Variants in FHIT observed in about 807,000 individuals in gnomAD.
The protein encoded by FHIT is bis(5'-adenosyl)-triphosphatase.
In FHIT, 19 loss-of-function variants were observed where a neutral mutation model predicts 17.9. The observed-to-expected ratio is 1.06, with a 90% confidence interval of 0.74 to 1.56. The LOEUF (loss-of-function observed/expected upper bound fraction) is 1.56. Among genes scored for constraint, FHIT ranks in the 40% most tolerant of loss-of-function variants. The pLI is 0.00. For missense variants in FHIT, 248 were observed against 189.2 expected, an observed-to-expected ratio of 1.31 and a Z score of -1.82; for synonymous variants, 81 against 69.7, an observed-to-expected ratio of 1.16 and a Z score of -0.81.
intron 5 of FHIT, among the ~76,000 whole-genome samples, chr3:60,490,188 T>G (rs1225535755): frequency 1.1e-4 from 16 of 152,162 alleles, no homozygotes; most frequent in Admixed American, 1.0e-3. Context: ...TGGTTTAATC[T>G]AATCTTACAC....
At chr3:60,797,167 C>A (rs895096180) in intron 4 of FHIT, among the ~76,000 whole-genome samples, 2 of 152,162 alleles carry the variant, frequency 1.3e-5, no homozygotes, top group East Asian at 3.9e-4. Context: ...GGATTTGGTG[C>A]TTGCCTCACA....
intron 3 of FHIT, among the ~76,000 whole-genome samples, chr3:61,023,877 AC>A (rs2032592287): frequency 6.6e-6 from 1 of 152,182 alleles, no homozygotes; most frequent in Non-Finnish European, 1.5e-5. Flanking sequence ...TAAACATAAG[AC>A]CTAAAACCAT....
intron 5 of FHIT, among the ~76,000 whole-genome samples, chr3:60,445,314 C>A (rs1257744989): frequency 6.6e-6 from 1 of 152,032 alleles, no homozygotes; most frequent in East Asian, 1.9e-4. Flanking sequence ...GATTCCAAAG[C>A]ACTCAGGGTA....
At chr3:59,830,938 A>G (rs1168626661) in intron 8 of FHIT, among the ~76,000 whole-genome samples, 2 of 152,186 alleles carry the variant, frequency 1.3e-5, no homozygotes, top group African/African-American at 2.4e-5. Flanking sequence ...TGTACCAATG[A>G]AGCAGGATGG....
chr3:60,691,953 C>G (rs1010093350), intron 4 of FHIT, among the ~76,000 whole-genome samples: 1 of 152,096 alleles, frequency 6.6e-6, no homozygotes, highest in Non-Finnish European at 1.5e-5. Context: ...ATAATGATTT[C>G]TTTTTACTTT....
chr3:60,485,306 T>C (rs2033789588), intron 5 of FHIT, among the ~76,000 whole-genome samples: 1 of 152,210 alleles, frequency 6.6e-6, no homozygotes, highest in South Asian at 2.1e-4. Flanking sequence ...TTACCAGGTA[T>C]ATGCCCAAAA....
rs922477072 is a variant in FHIT, at chr3:60,729,492, A to T, written c.-18+92427T>A. 5.3e-5 allele frequency among the ~76,000 whole-genome samples: 8 copies of T among 152,316 alleles called. No individual in the cohort carries two copies. In the East Asian group the frequency reaches 1.4e-3, roughly 26 times the overall value. On this transcript the variant is annotated intron_variant, in intron 4 of 9. Transcript: ENST00000492590. ...GGGCAAGTCTTACCTTTAAAAGCAA[A>T]ACTTGAAAACAAAGTATAAAAGTGC...
At chr3:60,439,782 G>A (rs1340029982) in intron 5 of FHIT, among the ~76,000 whole-genome samples, 7 of 152,210 alleles carry the variant, frequency 4.6e-5, no homozygotes, top group East Asian at 3.9e-4. Flanking sequence ...ATTTTAGAAC[G>A]GAAGGAATAT....
At chr3:60,879,779 C>A (rs954595808) in intron 3 of FHIT, among the ~76,000 whole-genome samples, 2 of 150,906 alleles carry the variant, frequency 1.3e-5, no homozygotes, top group Non-Finnish European at 3.0e-5. Context: ...CAAGAACAGA[C>A]TTAAGTATAG....
chr3:60,999,815 A>G (rs1002941924), intron 3 of FHIT, among the ~76,000 whole-genome samples: 1 of 152,082 alleles, frequency 6.6e-6, no homozygotes, highest in African/African-American at 2.4e-5. Context: ...TATCATAAAC[A>G]ACAGAAATTT....
chr3:60,171,707 A>G (rs1179929730), intron 5 of FHIT, among the ~76,000 whole-genome samples: 2 of 151,826 alleles, frequency 1.3e-5, no homozygotes, highest in Admixed American at 6.6e-5. Context: ...TCATTCATTC[A>G]TTCGTTTTTT....
At chr3:61,056,641 C>T (rs1222543684) in intron 2 of FHIT, among the ~76,000 whole-genome samples, 1 of 152,114 alleles carries the variant, frequency 6.6e-6, no homozygotes, top group Non-Finnish European at 1.5e-5. Flanking sequence ...GAAGTGCATT[C>T]CCAACAGAGA....
At chr3:60,281,087 A>T (rs1265806444) in intron 5 of FHIT, among the ~76,000 whole-genome samples, 5 of 152,256 alleles carry the variant, frequency 3.3e-5, no homozygotes, top group Non-Finnish European at 5.9e-5. Context: ...AATTAGAAGC[A>T]CAATATCACT....
At chr3:60,538,272 G>A (rs913068645) in intron 4 of FHIT, among the ~76,000 whole-genome samples, 1 of 152,148 alleles carries the variant, frequency 6.6e-6, no homozygotes, top group Non-Finnish European at 1.5e-5. Flanking sequence ...ACAAACCACT[G>A]CTCAACGAAA....
chr3:60,603,191 C>T (rs535955916), intron 4 of FHIT, among the ~76,000 whole-genome samples: 2 of 152,110 alleles, frequency 1.3e-5, no homozygotes, highest in Admixed American at 6.6e-5. Context: ...AAAACTCCAA[C>T]TTTTGAATGT....
intron 5 of FHIT, among the ~76,000 whole-genome samples, chr3:60,489,202 G>A (rs781483148): frequency 4.6e-5 from 7 of 151,894 alleles, no homozygotes; most frequent in Non-Finnish European, 1.0e-4. Context: ...GTACCTATTC[G>A]TTTTACTCAG....
intron 5 of FHIT, among the ~76,000 whole-genome samples, chr3:60,265,593 TAA>T (rs969162695): frequency 6.6e-6 from 1 of 151,890 alleles, no homozygotes; most frequent in South Asian, 2.1e-4. Flanking sequence ...CATCAAAATG[TAA>T]AAGTTTGTAT....
At chr3:60,976,525 C>T (rs563597227) in intron 3 of FHIT, among the ~76,000 whole-genome samples, 3 of 152,202 alleles carry the variant, frequency 2.0e-5, no homozygotes, top group South Asian at 2.1e-4. Context: ...AGGAATGAAA[C>T]ATAATGTCAC....
chr3:60,191,417 C>T (rs1226238070), intron 5 of FHIT, among the ~76,000 whole-genome samples: 2 of 152,174 alleles, frequency 1.3e-5, no homozygotes, highest in Non-Finnish European at 2.9e-5. Context: ...ATCTCTCTAA[C>T]TAGCAAGATA....
Sources: allele counts gnomAD v4.1 joint callset (sites outside exome capture counted in the v4.1 genomes callset), GRCh38; gene constraint gnomAD v4.1.1; transcripts MANE v1.5; gene names NCBI Gene and HGNC (gene_info 2026-07-23, HGNC 2026-07-21).